Variants in XKR4 observed in about 807,000 individuals in gnomAD.
XKR4 encodes the protein XK related 4, also known as XK-related protein 4.
A neutral mutation model predicts 53.9 loss-of-function variants in XKR4; 12 were observed. That is an observed-to-expected ratio of 0.22 (90% CI 0.14 to 0.36). The LOEUF (loss-of-function observed/expected upper bound fraction) is 0.36. Among genes scored for constraint, XKR4 ranks in the 10% least tolerant of loss-of-function variants. The pLI, the probability that XKR4 is intolerant of heterozygous loss-of-function variation, is 1.00. For synonymous variants in XKR4, 354 were observed against 362.4 expected, an observed-to-expected ratio of 0.98 and a Z score of 0.26; for missense variants, 799 against 859.5, an observed-to-expected ratio of 0.93 and a Z score of 0.88.
intron 2 of XKR4, among the ~76,000 whole-genome samples, chr8:55,466,181 T>C (rs1309314949): frequency 2.0e-5 from 3 of 152,146 alleles, no homozygotes; most frequent in South Asian, 2.1e-4. Flanking sequence ...TAAAGACACA[T>C]GCATATGTAT....
intron 2 of XKR4, among the ~76,000 whole-genome samples, chr8:55,487,168 CA>C (rs1330121773): frequency 1.3e-5 from 2 of 152,168 alleles, no homozygotes; most frequent in Non-Finnish European, 2.9e-5. Flanking sequence ...AGTCCAAGGC[CA>C]AAAGCCTCTG....
chr8:55,426,750 AGAT>A (rs1280288538), intron 2 of XKR4, among the ~76,000 whole-genome samples: 5 of 152,364 alleles, frequency 3.3e-5, no homozygotes, highest in South Asian at 2.1e-4. Context: ...GTTTGAAATT[AGAT>A]GATATTTTTG....
chr8:55,194,050 C>A (rs1158131479), intron 1 of XKR4, among the ~76,000 whole-genome samples: 1 of 152,208 alleles, frequency 6.6e-6, no homozygotes, highest in Non-Finnish European at 1.5e-5. Flanking sequence ...TCCTGTCCAC[C>A]TTTCAGTCTG....
intron 1 of XKR4, among the ~76,000 whole-genome samples, chr8:55,237,290 CA>C (rs1441217275): frequency 6.6e-6 from 1 of 152,168 alleles, no homozygotes; most frequent in Non-Finnish European, 1.5e-5. Context: ...TTTGCCTCCC[CA>C]AAAACTTAAA....
At chr8:55,304,096 G>T (rs895655527) in intron 1 of XKR4, among the ~76,000 whole-genome samples, 3 of 152,116 alleles carry the variant, frequency 2.0e-5, no homozygotes, top group African/African-American at 7.2e-5. Flanking sequence ...ACGTTAGGGT[G>T]TCGATTTTGG....
At chr8:55,196,277 G>T (rs530727929) in intron 1 of XKR4, among the ~76,000 whole-genome samples, 21 of 151,436 alleles carry the variant, frequency 1.4e-4, no homozygotes, top group South Asian at 6.3e-4. Flanking sequence ...CACCTCCCAG[G>T]TTCAAGCAAT....
chr8:55,158,866 T>C (rs1816944657), intron 1 of XKR4, among the ~76,000 whole-genome samples: 2 of 152,358 alleles, frequency 1.3e-5, no homozygotes, highest in South Asian at 4.1e-4. Context: ...AATACCATGC[T>C]GTTTTGGTTA....
At chr8:55,241,114 T>C (rs141502747) in intron 1 of XKR4, among the ~76,000 whole-genome samples, 1 of 152,386 alleles carries the variant, frequency 6.6e-6, no homozygotes, top group East Asian at 1.9e-4. Flanking sequence ...TATTTGACTT[T>C]GCTTAACCTC....
intron 2 of XKR4, among the ~76,000 whole-genome samples, chr8:55,447,544 A>G (rs1805364932): frequency 6.6e-6 from 1 of 152,232 alleles, no homozygotes; most frequent in African/African-American, 2.4e-5. Flanking sequence ...TGTTTTGTAC[A>G]GCTATGTTAG....
At chr8:55,178,497 A>G (rs1449741611) in intron 1 of XKR4, among the ~76,000 whole-genome samples, 1 of 152,226 alleles carries the variant, frequency 6.6e-6, no homozygotes, top group Admixed American at 6.5e-5. Flanking sequence ...TATAATAACT[A>G]TTATTACTAA....
At chr8:55,418,139 C>T (rs1029167875) in intron 2 of XKR4, among the ~76,000 whole-genome samples, 2 of 152,138 alleles carry the variant, frequency 1.3e-5, no homozygotes, top group African/African-American at 4.8e-5. Context: ...TTCAACTGTC[C>T]CTTATTAAGG....
At chr8:55,494,630 G>A (rs1806316068) in intron 2 of XKR4, among the ~76,000 whole-genome samples, 1 of 152,156 alleles carries the variant, frequency 6.6e-6, no homozygotes, top group African/African-American at 2.4e-5. Context: ...GCTCTCAGCA[G>A]AGAGGGTAAC....
intron 1 of XKR4, among the ~76,000 whole-genome samples, chr8:55,260,219 C>T (rs543508226): frequency 2.0e-5 from 3 of 152,328 alleles, no homozygotes; most frequent in Admixed American, 1.3e-4. Context: ...TTTAACCTGA[C>T]TCTCTCAGAG....
chr8:55,291,816 T>C (rs1425855097), intron 1 of XKR4, among the ~76,000 whole-genome samples: 1 of 152,124 alleles, frequency 6.6e-6, no homozygotes, highest in Non-Finnish European at 1.5e-5. Context: ...AGGGACAAAG[T>C]TTTTTGTAGA....
chr8:55,167,634 T>A lies in XKR4; in HGVS notation c.806+64340T>A, dbSNP rs1817088268. ...GTTTATCTGCATATAACCACTGAGA[T>A]TCAGTAGTTTATCTGAGACAGAAAT... On this transcript the variant is annotated intron_variant, in intron 1 of 2. Coordinates refer to ENST00000327381, the MANE Select transcript of XKR4 (RefSeq NM_052898.2). Among the ~76,000 whole-genome samples the A allele has an allele frequency of 2.6e-5, 4 of 152,296 alleles. 1 individual carries two copies. The South Asian group carries it at 8.3e-4, about 32-fold the overall frequency.
In XKR4 at chr8:55,217,111, G is replaced by A. The variant is rs57022615; in HGVS notation, c.806+113817G>A. ...CAAAAACTTAGCCGGGCGTGGTGGC[G>A]GGCACCTGTAGTCCCAGCTACTCGG... On this transcript the variant is annotated intron_variant, in intron 1 of 2. Coordinates refer to ENST00000327381, the MANE Select transcript of XKR4 (RefSeq NM_052898.2). Among the ~76,000 whole-genome samples the A allele has an allele frequency of 2.0e-4, 30 of 151,094 alleles. 1 individual carries two copies. The East Asian group carries it at 5.9e-3, about 30-fold the overall frequency.
intron 2 of XKR4, among the ~76,000 whole-genome samples, chr8:55,402,188 G>T (rs1207756084): frequency 6.6e-6 from 1 of 152,164 alleles, no homozygotes; most frequent in African/African-American, 2.4e-5. Flanking sequence ...CTTGGGAAAG[G>T]TATGAGGGAC....
At chr8:55,356,367 G>A (rs1486932033) in intron 1 of XKR4, among the ~76,000 whole-genome samples, 1 of 152,124 alleles carries the variant, frequency 6.6e-6, no homozygotes, top group Non-Finnish European at 1.5e-5. Flanking sequence ...GGATAGATAT[G>A]TTAACCACAC....
chr8:55,392,359 G>A (rs1379209676), intron 2 of XKR4, among the ~76,000 whole-genome samples: 1 of 152,142 alleles, frequency 6.6e-6, no homozygotes, highest in Non-Finnish European at 1.5e-5. Context: ...AGACTCATAG[G>A]TCACATTAAA....
Sources: gnomAD v4.1 joint callset for allele counts (sites outside exome capture counted in the v4.1 genomes callset) on GRCh38, gnomAD v4.1.1 for gene constraint, MANE v1.5 for transcripts, NCBI Gene and HGNC (gene_info 2026-07-23, HGNC 2026-07-21) for gene names.